The following PTPRE variants were observed in gnomAD, a reference collection of about 807,000 sequenced individuals.
PTPRE encodes receptor-type tyrosine-protein phosphatase epsilon.
PTPRE carries 51 observed loss-of-function variants against 102.0 expected under a neutral mutation model. The observed-to-expected ratio is 0.50, with a 90% CI of 0.40 to 0.63. PTPRE has a LOEUF of 0.63. Ranked by LOEUF, PTPRE falls within the 30% of genes least tolerant of loss-of-function variation. The pLI is 0.00. For missense variants in PTPRE, 752 were observed against 915.1 expected (o/e 0.82, Z 2.30); for synonymous variants, 345 against 348.2 (o/e 0.99, Z 0.10).
At chr10:128,013,568 A>C (rs1845186281) in intron 2 of PTPRE, among the ~76,000 whole-genome samples, 2 of 152,138 alleles carry the variant, frequency 1.3e-5, no homozygotes, top group Admixed American at 1.3e-4. Flanking sequence ...CCCCAGATTT[A>C]TATGCTGAAA....
intron 1 of PTPRE, among the ~76,000 whole-genome samples, chr10:127,977,228 A>T (rs1054522947): frequency 6.6e-6 from 1 of 152,186 alleles, no homozygotes; most frequent in South Asian, 2.1e-4. Flanking sequence ...TGGCTCCGGG[A>T]GCTGGTCATT....
intron 10 of PTPRE, among the ~76,000 whole-genome samples, chr10:128,064,336 G>A (rs756448990): frequency 6.6e-6 from 1 of 152,262 alleles, no homozygotes; most frequent in Non-Finnish European, 1.5e-5. Context: ...GCTGAAACAG[G>A]ACTGTGGAGG....
intron 7 of PTPRE, among the ~76,000 whole-genome samples, chr10:128,056,903 G>T (rs1849021894): frequency 6.6e-6 from 1 of 152,006 alleles, no homozygotes; most frequent in Non-Finnish European, 1.5e-5. Flanking sequence ...AACCCTGTAG[G>T]TTCTGAACCG....
intron 2 of PTPRE, among the ~76,000 whole-genome samples, chr10:128,017,075 A>C (rs888729932): frequency 6.6e-6 from 1 of 152,110 alleles, no homozygotes; most frequent in African/African-American, 2.4e-5. Context: ...GTCAGACTGC[A>C]GAACTGAGGG....
At chr10:128,074,882 C>T (rs1017793580) in intron 17 of PTPRE, among the ~76,000 whole-genome samples, 3 of 152,152 alleles carry the variant, frequency 2.0e-5, no homozygotes, top group Admixed American at 1.3e-4. Flanking sequence ...TTCCTACCAG[C>T]AATATATAAG....
intron 3 of PTPRE, among the ~76,000 whole-genome samples, chr10:128,043,141 G>A (rs1370799666): frequency 6.6e-6 from 1 of 152,248 alleles, no homozygotes; most frequent in East Asian, 1.9e-4. Flanking sequence ...ATTGGGGTGG[G>A]GGGTGGTTTG....
chr10:127,910,498 A>C (rs1400818255), intron 1 of PTPRE, among the ~76,000 whole-genome samples: 2 of 152,196 alleles, frequency 1.3e-5, no homozygotes, highest in African/African-American at 4.8e-5. Flanking sequence ...CAAGTAGTTT[A>C]TCTCCTCCAC....
chr10:128,073,770 A>C (rs1392290219), intron 17 of PTPRE, among the ~76,000 whole-genome samples: 1 of 152,224 alleles, frequency 6.6e-6, no homozygotes, highest in Non-Finnish European at 1.5e-5. Context: ...TGTTGAAGAA[A>C]AAGACATTTA....
chr10:127,915,354 A>G (rs1459294660), intron 1 of PTPRE, among the ~76,000 whole-genome samples: 9 of 152,212 alleles, frequency 5.9e-5, no homozygotes, highest in Non-Finnish European at 1.0e-4. Context: ...AGTTTCATAA[A>G]CAGTTGGACA....
chr10:128,071,853 A>C, intron 15 of PTPRE: 3 of 270,734 alleles, frequency 1.1e-5, no homozygotes, highest in Non-Finnish European at 1.4e-5. Context: ...CATTCCATTT[A>C]CTCCTTCAGC....
intron 2 of PTPRE, among the ~76,000 whole-genome samples, chr10:127,995,319 T>C (rs1431625696): frequency 6.6e-6 from 1 of 152,242 alleles, no homozygotes; most frequent in African/African-American, 2.4e-5. Flanking sequence ...ACCCACCTGG[T>C]TCCTCATAGT....
chr10:127,989,795 G>A (rs1852450858), intron 2 of PTPRE, among the ~76,000 whole-genome samples: 1 of 152,220 alleles, frequency 6.6e-6, no homozygotes, highest in Admixed American at 6.5e-5. Flanking sequence ...ACAGTTTTAT[G>A]ATCACTTGAG....
rs1845577820 is a variant in PTPRE at position 127,907,675 on chromosome 10, CAG to C, written c.-31+371_-31+372del. Among the ~76,000 whole-genome samples the C allele has an allele frequency of 6.6e-6, 1 of 152,148 alleles. No individual in the cohort carries two copies. Among genetic ancestry groups the C allele is most frequent in the Non-Finnish European group, 1.5e-5 (1 of 67,994 alleles). On this transcript the variant is annotated intron_variant, in intron 1 of 20. Coordinates refer to ENST00000254667, the MANE Select transcript of PTPRE (RefSeq NM_006504.6). The surrounding 1 kb of genome is among the most constrained non-coding windows in gnomAD (Gnocchi z 4.8). ...GCGGCGTACGTGAAAGCGGGCGACA[CAG>C]AGAGGGGGTGCAGGCCGCGCGTGGG...
intron 2 of PTPRE, 133 bp downstream of exon 2, chr10:127,982,429 A>C: frequency 1.8e-6 from 1 of 567,656 alleles, no homozygotes; most frequent in South Asian, 2.0e-5. Context: ...GTTATATTTG[A>C]ATTTTATGCC....
rs1850747741 is a variant in PTPRE at position 128,071,286 on chromosome 10, A to G, written c.1387+385A>G. 1.2e-5 allele frequency: 3 copies of G among 258,306 alleles called. No individual in the cohort carries two copies. In the South Asian group the frequency reaches 1.4e-4, roughly 12 times the overall value. 16.0% of individuals were successfully genotyped at this position (258,306 alleles called of 1,614,324 possible). On this transcript the variant is annotated intron_variant, in intron 15 of 20. Transcript: ENST00000254667. ...GGGCAGAGGCCCGCCTCCCCCTTACACAGAGGGGCCTGAGCCACCCAGCCG... is the reference window on the plus strand; with the variant it reads ...GGGCAGAGGCCCGCCTCCCCCTTACGCAGAGGGGCCTGAGCCACCCAGCCG...
intron 18 of PTPRE, 123 bp from the exon 19 acceptor site, chr10:128,077,494 T>G (rs1851313912): frequency 3.2e-6 from 4 of 1,236,874 alleles, no homozygotes; most frequent in African/African-American, 1.5e-5. Context: ...TCGGTGGGGA[T>G]GTTGGCAGCA....
intron 2 of PTPRE, among the ~76,000 whole-genome samples, chr10:128,011,552 C>T (rs1845013826): frequency 6.6e-6 from 1 of 152,244 alleles, no homozygotes; most frequent in Non-Finnish European, 1.5e-5. Flanking sequence ...GGGCTTCAAG[C>T]TTGGCGCATG....
At chr10:127,931,091 C>T (rs187715228) in intron 1 of PTPRE, among the ~76,000 whole-genome samples, 151 of 152,066 alleles carry the variant, frequency 9.9e-4, no homozygotes, top group South Asian at 3.5e-3. Flanking sequence ...GTGCCCGGCC[C>T]GCCAGTTGTT....
intron 2 of PTPRE, among the ~76,000 whole-genome samples, chr10:127,994,605 T>C (rs1239600288): frequency 6.6e-6 from 1 of 152,202 alleles, no homozygotes; most frequent in Non-Finnish European, 1.5e-5. Context: ...TATAAATAAA[T>C]ACATGAAGTC....
Sources: allele counts gnomAD v4.1 joint callset (sites outside exome capture counted in the v4.1 genomes callset), GRCh38; gene constraint gnomAD v4.1.1; non-coding constraint Gnocchi (gnomAD v3.1); transcripts MANE v1.5; gene names NCBI Gene and HGNC (gene_info 2026-07-23, HGNC 2026-07-21).